The following SRGAP2 variants were observed in gnomAD, a reference collection of about 807,000 sequenced individuals.
SRGAP2 encodes SLIT-ROBO Rho GTPase activating protein 2.
A neutral mutation model predicts 57.2 loss-of-function variants in SRGAP2; 15 were observed. The observed-to-expected ratio is 0.26, with a 90% CI of 0.18 to 0.40. The LOEUF (loss-of-function observed/expected upper bound fraction) is 0.40, where lower values mean the gene tolerates loss of function less well. Ranked by LOEUF, SRGAP2 falls within the 10% of genes least tolerant of loss-of-function variation. The pLI, the probability that SRGAP2 is intolerant of heterozygous loss-of-function variation, is 1.00. For synonymous variants in SRGAP2, 249 were observed against 248.0 expected, an observed-to-expected ratio of 1.00 and a Z score of -0.04; for missense variants, 520 against 669.6, an observed-to-expected ratio of 0.78 and a Z score of 2.47.
At chr1:206,439,089 T>TGG (rs1275613037) in intron 16 of SRGAP2, among the ~76,000 whole-genome samples, 2 of 152,200 alleles carry the variant, frequency 1.3e-5, no homozygotes, top group African/African-American at 4.8e-5. Context: ...TAAGCTGAAC[T>TGG]GGGGTTGCCA....
chr1:206,438,040 G>A lies in SRGAP2; in HGVS notation c.1710G>A (p.Arg570=). 1 of 780,876 alleles carries A rather than the reference G, an allele frequency of 1.3e-6. No individual in the cohort carries two copies. Among genetic ancestry groups the A allele is most frequent in the Non-Finnish European group, 2.4e-6 (1 of 417,974 alleles). 48.4% of individuals were successfully genotyped at this position (780,876 alleles called of 1,614,324 possible). ...CTGGTGTCCTGAAGCTTTACTTCCG[G>A]GGGCTGGAACACCCTCTCTTCCCCA... ...SIAGVLKLYF[R]GLEHPLFPKD... is the part of the protein sequence containing the mutation. Residue 570 remains arginine, a synonymous_variant, in exon 16 of 23, where the codon CGG becomes CGA. Transcript: ENST00000573034.
chr1:206,442,134 A>G (rs1662360415), intron 17 of SRGAP2, among the ~76,000 whole-genome samples: 1 of 152,208 alleles, frequency 6.6e-6, no homozygotes, highest in Admixed American at 6.5e-5. Flanking sequence ...TAGTGGCCCC[A>G]GCTTGAGACC....
At chr1:206,374,192 CT>C (rs1167999369) in intron 4 of SRGAP2, among the ~76,000 whole-genome samples, 6 of 149,888 alleles carry the variant, frequency 4.0e-5, no homozygotes, top group Admixed American at 1.3e-4. Context: ...GCCCGGCTAA[CT>C]TTTTTTTTGT....
At chr1:206,373,014 TTTCTTTC>T (rs1654823882) in intron 4 of SRGAP2, among the ~76,000 whole-genome samples, 1 of 120,276 alleles carries the variant, frequency 8.3e-6, no homozygotes, top group Non-Finnish European at 1.7e-5. Context: ...TCTTTCTTTC[TTTCTTTC>T]TTTCTTTTCT....
intron 13 of SRGAP2, 139 bp downstream of exon 13, chr1:206,421,413 A>G (rs1252952827): frequency 4.1e-6 from 2 of 491,810 alleles, no homozygotes; most frequent in African/African-American, 4.0e-5. Flanking sequence ...TAGTCATAGT[A>G]TGTTTAATAT....
chr1:206,383,414 T>C lies in SRGAP2; in HGVS notation c.424-600T>C, dbSNP rs1439878384. On this transcript the variant is annotated intron_variant, in intron 4 of 22. Transcript: ENST00000573034. ...CCCAGGAGCCATCACTGCTCAAGATTAACTAGTTGGAGACCCCTTAACATA... is the reference window on the plus strand; with the variant it reads ...CCCAGGAGCCATCACTGCTCAAGATCAACTAGTTGGAGACCCCTTAACATA... 2.0e-5 allele frequency among the ~76,000 whole-genome samples: 3 copies of C among 151,768 alleles called. No homozygotes were observed. The South Asian group carries it at 6.2e-4, about 32-fold the overall frequency.
intron 3 of SRGAP2, among the ~76,000 whole-genome samples, chr1:206,307,407 C>A (rs1234319417): frequency 6.6e-6 from 1 of 151,712 alleles, no homozygotes; most frequent in Non-Finnish European, 1.5e-5. Flanking sequence ...GATCCCGCAC[C>A]GGGGCTGCAG....
intron 3 of SRGAP2, among the ~76,000 whole-genome samples, chr1:206,314,853 A>G (rs2102807220): frequency 7.2e-6 from 1 of 139,730 alleles, no homozygotes; most frequent in East Asian, 2.0e-4. Flanking sequence ...AGAGAAGAAT[A>G]AGACAATCTC....
chr1:206,410,738 G>C (rs1659146791), intron 10 of SRGAP2, among the ~76,000 whole-genome samples: 1 of 152,176 alleles, frequency 6.6e-6, no homozygotes, highest in Non-Finnish European at 1.5e-5. Flanking sequence ...TAAATGGCTG[G>C]ATAGAATTCC....
intron 4 of SRGAP2, among the ~76,000 whole-genome samples, chr1:206,373,886 ACCT>A (rs1264083781): frequency 2.6e-5 from 4 of 151,636 alleles, no homozygotes; most frequent in African/African-American, 7.3e-5. Flanking sequence ...GATTTAACAC[ACCT>A]GTCTCAGTGA....
At chr1:206,423,777 ATTTT>A (rs200702527) in intron 13 of SRGAP2, among the ~76,000 whole-genome samples, 2 of 146,060 alleles carry the variant, frequency 1.4e-5, no homozygotes, top group African/African-American at 2.5e-5. Context: ...CACCTTTCTG[ATTTT>A]TTTTTTTTCT....
chr1:206,443,361 G>T (rs1485808158), intron 17 of SRGAP2, among the ~76,000 whole-genome samples: 4 of 152,014 alleles, frequency 2.6e-5, no homozygotes, highest in Non-Finnish European at 5.9e-5. Flanking sequence ...TTATTTTGTT[G>T]TTGTTTGTTT....
At chr1:206,254,649 A>G (rs1403746445) in intron 2 of SRGAP2, among the ~76,000 whole-genome samples, 2 of 150,178 alleles carry the variant, frequency 1.3e-5, no homozygotes, top group African/African-American at 2.5e-5. Context: ...ATGTTCCAGG[A>G]TCTATATCCT....
intron 2 of SRGAP2, among the ~76,000 whole-genome samples, chr1:206,291,507 A>G (rs1671318296): frequency 6.6e-6 from 1 of 152,216 alleles, no homozygotes; most frequent in South Asian, 2.1e-4. Flanking sequence ...TCAGGGAGAC[A>G]CAGGTACCAG....
intron 20 of SRGAP2, chr1:206,453,612 C>A (rs1395817030): frequency 3.6e-5 from 12 of 333,664 alleles, no homozygotes; most frequent in Non-Finnish European, 5.4e-6. Flanking sequence ...CTGCAAATCA[C>A]CCCCTAATCC....
chr1:206,262,242 C>T (rs1256004596), intron 2 of SRGAP2, among the ~76,000 whole-genome samples: 3 of 147,788 alleles, frequency 2.0e-5, no homozygotes, highest in South Asian at 2.1e-4. Context: ...ATATAACCTC[C>T]GATTTATAAT....
Position 206,454,165 on chromosome 1 carries a change from G to A in SRGAP2, c.2361-713G>A, listed in dbSNP as rs1663607940. 1 of 702,504 alleles carries A rather than the reference G, an allele frequency of 1.4e-6. No individual in the cohort carries two copies. Among genetic ancestry groups the A allele is most frequent in the East Asian group, 2.7e-5 (1 of 37,282 alleles). 43.5% of individuals were successfully genotyped at this position (702,504 alleles called of 1,614,324 possible). On this transcript the variant is annotated intron_variant, in intron 20 of 22. Coordinates refer to ENST00000573034, the MANE Select transcript of SRGAP2 (RefSeq NM_015326.5). This position sits in a 1 kb window ranked among gnomAD's most constrained non-coding sequence, Gnocchi z 4.3. ...AAAGGTTGATATCCTGAGTGAGTCT[G>A]CACCCTCCCAGCCTCTTCCCGGCTC...
rs1553621443 is a variant in SRGAP2 at position 206,290,270 on chromosome 1, T to A, written c.68-13011T>A. On this transcript the variant is annotated intron_variant, in intron 2 of 22. Transcript: ENST00000573034. ...CAAAGTTTGAAGCCACTAGTTTTGT[T>A]CAATTCCTATCACTTTCTGTACCTT... 1.5e-3 allele frequency among the ~76,000 whole-genome samples: 232 copies of A among 152,342 alleles called. 3 individuals carry two copies. In the East Asian group the frequency reaches 0.033, roughly 22 times the overall value.
At chr1:206,268,579 G>A (rs577799823) in intron 2 of SRGAP2, among the ~76,000 whole-genome samples, 9 of 152,030 alleles carry the variant, frequency 5.9e-5, no homozygotes, top group African/African-American at 1.9e-4. Context: ...GAGGAAGGCA[G>A]ATAAAAAGGG....
Sources: gnomAD v4.1 joint callset for allele counts (sites outside exome capture counted in the v4.1 genomes callset) on GRCh38, gnomAD v4.1.1 for gene constraint, Gnocchi (gnomAD v3.1) non-coding constraint, MANE v1.5 for transcripts, NCBI Gene and HGNC (gene_info 2026-07-23, HGNC 2026-07-21) for gene names.